DPY19L2: variants seen among roughly 807,000 people sequenced by gnomAD.
DPY19L2 encodes the protein dpy-19 like 2.
DPY19L2 carries 34 observed loss-of-function variants against 97.9 expected under a neutral mutation model. The observed-to-expected ratio is 0.35, with a 90% confidence interval of 0.26 to 0.46. DPY19L2 has a LOEUF of 0.46. Ranked by LOEUF, DPY19L2 falls within the 20% of genes least tolerant of loss-of-function variation. The pLI, the probability that DPY19L2 is intolerant of heterozygous loss-of-function variation, is 1.00. For missense variants in DPY19L2, 623 were observed against 911.4 expected (o/e 0.68, Z 4.07); for synonymous variants, 230 against 307.9 (o/e 0.75, Z 2.65).
chr12:63,588,376 C>T (rs1262646242), intron 16 of DPY19L2, among the ~76,000 whole-genome samples: 1 of 152,138 alleles, frequency 6.6e-6, no homozygotes, highest in African/African-American at 2.4e-5. Context: ...GATGACAGCA[C>T]ATCTGTCACA....
At chr12:63,630,954 C>T (rs1391125634) in intron 6 of DPY19L2, among the ~76,000 whole-genome samples, 1 of 152,094 alleles carries the variant, frequency 6.6e-6, no homozygotes, top group South Asian at 2.1e-4. Context: ...GAATAATCTG[C>T]TCCTGAATGA....
chr12:63,592,344 C>A (rs1386059839), intron 16 of DPY19L2, among the ~76,000 whole-genome samples: 4 of 150,456 alleles, frequency 2.7e-5, no homozygotes, highest in East Asian at 1.9e-4. Context: ...AATCCTAAGC[C>A]AAAAGAACAA....
intron 7 of DPY19L2, among the ~76,000 whole-genome samples, chr12:63,625,169 G>A (rs1323739079): frequency 2.6e-5 from 4 of 152,192 alleles, no homozygotes; most frequent in Admixed American, 6.5e-5. Flanking sequence ...AGGCCAAGGT[G>A]GGTGGATCAT....
At chr12:63,624,979 C>A (rs188986655) in intron 7 of DPY19L2, among the ~76,000 whole-genome samples, 9 of 152,244 alleles carry the variant, frequency 5.9e-5, no homozygotes, top group Non-Finnish European at 1.2e-4. Flanking sequence ...TATGTCAGCA[C>A]ATTGTTGAAT....
chr12:63,592,275 T>C (rs1456428158), intron 16 of DPY19L2, among the ~76,000 whole-genome samples: 2 of 151,318 alleles, frequency 1.3e-5, no homozygotes, highest in African/African-American at 2.4e-5. Flanking sequence ...CTTCACAGAA[T>C]TGGAAAAAAC....
chr12:63,632,296 G>C (rs1297601504), intron 6 of DPY19L2, among the ~76,000 whole-genome samples: 2 of 152,166 alleles, frequency 1.3e-5, no homozygotes, highest in Non-Finnish European at 2.9e-5. Flanking sequence ...CAGATGACAT[G>C]ATTGTACATC....
intron 20 of DPY19L2, among the ~76,000 whole-genome samples, chr12:63,570,414 A>G (rs934263389): frequency 1.3e-5 from 2 of 151,848 alleles, no homozygotes; most frequent in Admixed American, 6.6e-5. Flanking sequence ...TTGGCAAACC[A>G]TGGCTGTGAG....
intron 7 of DPY19L2, among the ~76,000 whole-genome samples, chr12:63,624,581 G>T (rs1226951665): frequency 6.6e-5 from 10 of 152,066 alleles, no homozygotes; most frequent in Admixed American, 5.2e-4. Context: ...AAGTAGGAAT[G>T]AATATAAATA....
chr12:63,634,167 A>G lies in DPY19L2; in HGVS notation c.804-7641T>C, dbSNP rs531608860. 3.3e-4 allele frequency among the ~76,000 whole-genome samples: 50 copies of G among 152,274 alleles called. No individual in the cohort carries two copies. The South Asian group carries it at 0.01, about 31-fold the overall frequency. On this transcript the variant is annotated intron_variant, in intron 6 of 21. Coordinates refer to ENST00000324472, the MANE Select transcript of DPY19L2 (RefSeq NM_173812.5). ...AACATGGCACATGCATACATATGTAACTAACCTGCACGTTGTGCACATGTA... is the reference window on the plus strand; with the variant it reads ...AACATGGCACATGCATACATATGTAGCTAACCTGCACGTTGTGCACATGTA...
intron 6 of DPY19L2, among the ~76,000 whole-genome samples, chr12:63,629,942 C>T (rs1890285230): frequency 6.6e-6 from 1 of 152,100 alleles, no homozygotes; most frequent in Non-Finnish European, 1.5e-5. Flanking sequence ...ATTTTCAACC[C>T]AGAACTTCAT....
intron 13 of DPY19L2, among the ~76,000 whole-genome samples, chr12:63,599,637 T>C (rs1884817061): frequency 6.6e-6 from 1 of 152,172 alleles, no homozygotes; most frequent in East Asian, 1.9e-4. Context: ...TACTCATGTA[T>C]GCTTATTTCT....
chr12:63,588,882 T>G (rs1411792436), intron 16 of DPY19L2, among the ~76,000 whole-genome samples: 3 of 151,512 alleles, frequency 2.0e-5, no homozygotes, highest in Admixed American at 6.6e-5. Context: ...GCCTACCGAG[T>G]AGCTGGGACT....
intron 4 of DPY19L2, among the ~76,000 whole-genome samples, chr12:63,658,728 A>C (rs1331371081): frequency 2.0e-5 from 3 of 152,088 alleles, no homozygotes; most frequent in Non-Finnish European, 4.4e-5. Flanking sequence ...ATTACTCATA[A>C]ATTCTTCTTT....
chr12:63,651,886 C>A, intron 4 of DPY19L2: 1 of 391,136 alleles, frequency 2.6e-6, no homozygotes, highest in Admixed American at 3.2e-5. Flanking sequence ...GGTGGCCTAG[C>A]TGCGGCTTGC....
chr12:63,621,467 T>C, intron 8 of DPY19L2, 130 bp from the exon 9 acceptor site: 1 of 704,756 alleles, frequency 1.4e-6, no homozygotes, highest in Non-Finnish European at 2.5e-6. Context: ...CAAAATATAG[T>C]TAACTTCTTA....
chr12:63,606,745 G>A (rs1433222150), intron 12 of DPY19L2, among the ~76,000 whole-genome samples: 3 of 152,002 alleles, frequency 2.0e-5, no homozygotes, highest in Non-Finnish European at 4.4e-5. Context: ...CCTTAGTACT[G>A]AGCTTTAGAT....
intron 4 of DPY19L2, among the ~76,000 whole-genome samples, chr12:63,655,222 AC>A (rs1411168570): frequency 6.6e-6 from 1 of 152,228 alleles, no homozygotes; most frequent in East Asian, 1.9e-4. Flanking sequence ...AAAGATGTAC[AC>A]TGTCATTAGC....
chr12:63,639,239 A>G (rs1892277865), intron 6 of DPY19L2, among the ~76,000 whole-genome samples: 2 of 152,194 alleles, frequency 1.3e-5, no homozygotes, highest in Admixed American at 1.3e-4. Flanking sequence ...TAGACCTAAA[A>G]CCATAAAAAC....
chr12:63,560,289 C>G lies in DPY19L2; in HGVS notation c.*223G>C, dbSNP rs183893889. On this transcript the variant is annotated 3_prime_UTR_variant, in exon 22 of 22. Coordinates refer to ENST00000324472, the MANE Select transcript of DPY19L2 (RefSeq NM_173812.5). ...ATGAACATTTGTTTATGCAGTATGA[C>G]ATGAATGATTTAATAACTTATATGA... 92 of 423,354 alleles carry G rather than the reference C, an allele frequency of 2.2e-4. 1 individual carries two copies. Among genetic ancestry groups the G allele is most frequent in the African/African-American group, 1.7e-3 (87 of 49,784 alleles). The allele number at this position is 423,354 out of a possible 1,614,324, so 26.2% of individuals were successfully genotyped here. A position where few individuals can be genotyped will look rare whatever the true frequency, so the allele number is the denominator to read the frequency against.
Sources: allele counts gnomAD v4.1 joint callset (sites outside exome capture counted in the v4.1 genomes callset), GRCh38; gene constraint gnomAD v4.1.1; transcripts MANE v1.5; gene names NCBI Gene and HGNC (gene_info 2026-07-23, HGNC 2026-07-21).